L3HYPDH: variants seen among roughly 807,000 people sequenced by gnomAD.
L3HYPDH encodes trans-3-hydroxy-L-proline dehydratase.
L3HYPDH carries 32 observed loss-of-function variants against 26.5 expected under a neutral mutation model. The observed-to-expected ratio is 1.21, with a 90% confidence interval of 0.91 to 1.62. L3HYPDH has a LOEUF of 1.62. Ranked by LOEUF, L3HYPDH falls within the 40% of genes most tolerant of loss-of-function variation. The pLI, the probability that L3HYPDH is intolerant of heterozygous loss-of-function variation, is 0.00. For missense variants in L3HYPDH, 554 were observed against 476.4 expected, an observed-to-expected ratio of 1.16 and a Z score of -1.52; for synonymous variants, 215 against 196.6, an observed-to-expected ratio of 1.09 and a Z score of -0.78.
the L3HYPDH span, among the ~76,000 whole-genome samples, chr14:59,499,857 C>G: frequency 6.6e-6 from 1 of 152,200 alleles, no homozygotes; most frequent in Non-Finnish European, 1.5e-5. Context: ...ATAGTTCCCT[C>G]TAGCTCCTCT....
chr14:59,505,030 A>T, the L3HYPDH span: 4 of 362,328 alleles, frequency 1.1e-5, no homozygotes, highest in Non-Finnish European at 2.0e-5. Context: ...GCAAAATGAA[A>T]TTTTTAGCTC....
chr14:59,502,755 T>TGTTGTTTTTTTG, the L3HYPDH span, among the ~76,000 whole-genome samples: 190 of 122,946 alleles, frequency 1.5e-3, no homozygotes, highest in African/African-American at 5.3e-3. Context: ...ATGAGATTTT[T>TGTTGTTTTTTTG]TTTTTTTTTT....
intron 1 of L3HYPDH, among the ~76,000 whole-genome samples, chr14:59,481,823 C>G (rs1247113774): frequency 2.0e-5 from 3 of 152,206 alleles, no homozygotes; most frequent in African/African-American, 7.2e-5. Context: ...AACCCTAGTT[C>G]TGCCATTAGT....
chr14:59,502,751 T>A, the L3HYPDH span, among the ~76,000 whole-genome samples: 1 of 89,152 alleles, frequency 1.1e-5, no homozygotes, highest in African/African-American at 4.5e-5. Context: ...TAAAATGAGA[T>A]TTTTTTTTTT....
At chr14:59,474,630 T>C (rs1289275999) in intron 4 of L3HYPDH, 8 of 613,698 alleles carry the variant, frequency 1.3e-5, no homozygotes, top group African/African-American at 1.1e-4. Context: ...ATGACCTGGA[T>C]CTGCTACTCA....
At chr14:59,467,212 T>TA (rs1338211476) in intron 1 of L3HYPDH, among the ~76,000 whole-genome samples, 2 of 152,092 alleles carry the variant, frequency 1.3e-5, no homozygotes, top group African/African-American at 4.8e-5. Context: ...TTAGACTTTT[T>TA]AAAAAAAGAA....
the L3HYPDH span, among the ~76,000 whole-genome samples, chr14:59,500,666 G>T: frequency 6.6e-6 from 1 of 152,076 alleles, no homozygotes; most frequent in Non-Finnish European, 1.5e-5. Flanking sequence ...ACAAAACACA[G>T]AAAATTATTT....
upstream of L3HYPDH, chr14:59,484,671 C>T: frequency 1.3e-6 from 2 of 1,511,284 alleles, no homozygotes; most frequent in Non-Finnish European, 9.0e-7. Flanking sequence ...TCGGGCTCGG[C>T]TCTTTGTAGG....
At chr14:59,465,644 C>A (rs967112702) in intron 1 of L3HYPDH, among the ~76,000 whole-genome samples, 2 of 152,140 alleles carry the variant, frequency 1.3e-5, no homozygotes, top group Non-Finnish European at 2.9e-5. Context: ...TACAAATGTT[C>A]TACAGGCAGG....
chr14:59,467,715 G>A (rs747791652), downstream of L3HYPDH, among the ~76,000 whole-genome samples: 1 of 152,090 alleles, frequency 6.6e-6, no homozygotes, highest in Admixed American at 6.5e-5. Flanking sequence ...TCTCCTTGAT[G>A]TGCCAGTGGC....
At chr14:59,501,009 T>C in the L3HYPDH span, 1 of 543,864 alleles carries the variant, frequency 1.8e-6, no homozygotes, top group East Asian at 3.1e-5. Flanking sequence ...TGAAACTATT[T>C]ACTATCTTGC....
At chr14:59,501,425 A>T in the L3HYPDH span, among the ~76,000 whole-genome samples, 1 of 152,210 alleles carries the variant, frequency 6.6e-6, no homozygotes, top group African/African-American at 2.4e-5. Flanking sequence ...AACTTTATGA[A>T]AAGTTGTGTA....
chr14:59,485,378 A>G (rs17096292), upstream of L3HYPDH: 1,646 of 365,930 alleles, frequency 4.5e-3, 38 homozygotes, highest in Admixed American at 0.049. Flanking sequence ...CAGTGGGTTT[A>G]AAAAGCTAAG....
chr14:59,501,323 T>G, the L3HYPDH span: 2 of 1,092,304 alleles, frequency 1.8e-6, no homozygotes, highest in East Asian at 2.4e-5. Flanking sequence ...GACAATTCAA[T>G]ATCAGAATAG....
In L3HYPDH at chr14:59,483,971, A is replaced by T; in HGVS notation, c.346T>A (p.Leu116Met). The T allele has an allele frequency of 6.4e-7, 1 of 1,573,484 alleles. No homozygotes were observed. The highest frequency in any genetic ancestry group is 8.6e-7 in the Non-Finnish European group (1 of 1,165,344). ...GGCGCCGGCACAAGCCCGAAGTCCA[A>T]AGCGAAGCGGCCCAGCGCCAGCACT... ...HAVLALGRFA[L>M]DFGLVPAPPA... The change falls in exon 1 of 5, where the codon TTG becomes ATG. Residue 116 changes from leucine to methionine, a missense_variant. By Grantham distance (15) the Leu-to-Met change is conservative. Coordinates refer to ENST00000247194, the MANE Select transcript of L3HYPDH (RefSeq NM_144581.2).
chr14:59,476,570 A>C (rs1376665202), intron 2 of L3HYPDH, among the ~76,000 whole-genome samples: 1 of 152,194 alleles, frequency 6.6e-6, no homozygotes, highest in East Asian at 1.9e-4. Context: ...ATGGCTGCTC[A>C]AACAGGATGA....
the L3HYPDH span, chr14:59,494,915 C>G: frequency 2.5e-6 from 2 of 807,378 alleles, no homozygotes; most frequent in Non-Finnish European, 2.0e-6. Context: ...TTTGACTTTT[C>G]TTATAGATTT....
the L3HYPDH span, among the ~76,000 whole-genome samples, chr14:59,496,884 T>C: frequency 1.3e-5 from 2 of 152,212 alleles, no homozygotes; most frequent in Non-Finnish European, 2.9e-5. Flanking sequence ...TAGTATCTTA[T>C]AGCATTGGGT....
At chr14:59,504,793 C>T in the L3HYPDH span, 2 of 152,646 alleles carry the variant, frequency 1.3e-5, no homozygotes, top group African/African-American at 4.8e-5. Flanking sequence ...TCTCATATCT[C>T]GGGTATATAT....
Sources: gnomAD v4.1 joint callset for allele counts (sites outside exome capture counted in the v4.1 genomes callset) on GRCh38, gnomAD v4.1.1 for gene constraint, MANE v1.5 for transcripts, NCBI Gene and HGNC (gene_info 2026-07-23, HGNC 2026-07-21) for gene names.